Variants in NR3C2 observed in about 807,000 individuals in gnomAD.
NR3C2 encodes the protein nuclear receptor subfamily 3 group C member 2, also known as mineralocorticoid receptor.
A neutral mutation model predicts 86.4 loss-of-function variants in NR3C2; 15 were observed. That is an observed-to-expected ratio of 0.17 (90% CI 0.12 to 0.27). The LOEUF is 0.27. Ranked by LOEUF, NR3C2 falls within the 10% of genes least tolerant of loss-of-function variation. The pLI, the probability that NR3C2 is intolerant of heterozygous loss-of-function variation, is 1.00. For missense variants in NR3C2, 960 were observed against 1,195.6 expected (o/e 0.80, Z 2.91); for synonymous variants, 458 against 450.5 (o/e 1.02, Z -0.21).
intron 2 of NR3C2, among the ~76,000 whole-genome samples, chr4:148,378,154 G>A (rs1746772658): frequency 6.6e-6 from 1 of 152,170 alleles, no homozygotes; most frequent in Non-Finnish European, 1.5e-5. Context: ...CTACAATCTG[G>A]TTGCTGGGGG....
intron 2 of NR3C2, among the ~76,000 whole-genome samples, chr4:148,418,142 T>C (rs1383430924): frequency 6.6e-6 from 1 of 152,206 alleles, no homozygotes; most frequent in Non-Finnish European, 1.5e-5. Context: ...ATTCTGATGG[T>C]GTTCACAAGT....
intron 2 of NR3C2, among the ~76,000 whole-genome samples, chr4:148,365,055 T>C (rs1319064708): frequency 6.6e-6 from 1 of 152,212 alleles, no homozygotes; most frequent in Non-Finnish European, 1.5e-5. Flanking sequence ...CTGTGGTTGT[T>C]TGAAATCACC....
intron 2 of NR3C2, among the ~76,000 whole-genome samples, chr4:148,337,652 A>AT (rs1490673383): frequency 6.6e-6 from 1 of 152,228 alleles, no homozygotes; most frequent in Non-Finnish European, 1.5e-5. Context: ...GATGGGGTAA[A>AT]TATGCAGGTT....
intron 3 of NR3C2, among the ~76,000 whole-genome samples, chr4:148,224,399 G>C (rs1049272222): frequency 1.3e-5 from 2 of 152,144 alleles, no homozygotes; most frequent in African/African-American, 4.8e-5. Context: ...TTTCCTCAGC[G>C]CTACACACAG....
At chr4:148,221,201 T>C (rs1159911929) in intron 3 of NR3C2, among the ~76,000 whole-genome samples, 1 of 152,240 alleles carries the variant, frequency 6.6e-6, no homozygotes, top group Non-Finnish European at 1.5e-5. Flanking sequence ...ATACAGTGGC[T>C]GAAGCGTTTA....
At chr4:148,134,615 C>T (rs1000440678) in intron 6 of NR3C2, among the ~76,000 whole-genome samples, 1 of 140,488 alleles carries the variant, frequency 7.1e-6, no homozygotes, top group African/African-American at 2.6e-5. Context: ...AAAGTGTTAG[C>T]TCCCTGTGAT....
At chr4:148,324,305 CTTTTTTA>C (rs1743827351) in intron 2 of NR3C2, among the ~76,000 whole-genome samples, 1 of 149,958 alleles carries the variant, frequency 6.7e-6, no homozygotes, top group Non-Finnish European at 1.5e-5. Flanking sequence ...GGACTTTTTT[CTTTTTTA>C]AGACTGAATA....
At chr4:148,303,884 C>T (rs1374589938) in intron 2 of NR3C2, among the ~76,000 whole-genome samples, 1 of 152,168 alleles carries the variant, frequency 6.6e-6, no homozygotes, top group Non-Finnish European at 1.5e-5. Context: ...CGGATATTTC[C>T]ACTCCCTAGA....
intron 4 of NR3C2, among the ~76,000 whole-genome samples, chr4:148,185,265 C>T (rs1400606225): frequency 2.0e-5 from 3 of 152,216 alleles, no homozygotes; most frequent in African/African-American, 7.2e-5. Flanking sequence ...GCAATGGCTC[C>T]CACCCACACA....
At chr4:148,267,693 T>C (rs1273793914) in intron 2 of NR3C2, among the ~76,000 whole-genome samples, 3 of 152,150 alleles carry the variant, frequency 2.0e-5, no homozygotes, top group Non-Finnish European at 2.9e-5. Flanking sequence ...ACAGCCACAT[T>C]ATATCATTAA....
At chr4:148,443,222 CAAAAAAAAAAAAAAAA>C (rs59506438), upstream of NR3C2, among the ~76,000 whole-genome samples, 11,164 of 42,888 alleles carry the variant, frequency 0.26, 896 homozygotes, top group Middle Eastern at 0.37. Flanking sequence ...CCCCTAACAC[CAAAAAAAAAAAAAAAA>C]AAAAAAAAAA....
rs141462272 is a variant in NR3C2, at chr4:148,436,481, C to T, written c.380G>A (p.Ser127Asn). 1.2e-6 allele frequency: 2 copies of T among 1,614,048 alleles called. No homozygotes were observed. The highest frequency in any genetic ancestry group is 2.7e-5 in the African/African-American group (2 of 74,904). The change falls in exon 2 of 9, where the codon AGC (serine) becomes AAC (asparagine). Residue 127 changes from serine (S) to asparagine (N), a missense_variant. Ser to Asn is a conservative substitution (Grantham distance 46). Transcript: ENST00000358102. ...YSYEQQNQQGSMSPAKIYQNV... is the reference protein window; with the variant it reads ...YSYEQQNQQGNMSPAKIYQNV... Reference sequence around the variant, plus strand: ...CTGATAAATCTTAGCTGGACTCATGCTTCCTTGTTGGTTCTGCTGCTCATA... The same window carrying T: ...CTGATAAATCTTAGCTGGACTCATGTTTCCTTGTTGGTTCTGCTGCTCATA...
intron 6 of NR3C2, 84 bp from the exon 7 acceptor site, chr4:148,120,372 G>T: frequency 6.5e-7 from 1 of 1,537,640 alleles, no homozygotes; most frequent in Non-Finnish European, 9.0e-7. Flanking sequence ...CTTAATAAGA[G>T]ATCTGAGTCA....
rs566097051 is a variant in NR3C2 at position 148,317,866 on chromosome 4, T to C, written c.1758-57749A>G. 1.3e-3 allele frequency among the ~76,000 whole-genome samples: 185 copies of C among 146,296 alleles called. 1 individual carries two copies. Among genetic ancestry groups the C allele is most frequent in the Middle Eastern group, 3.4e-3 (1 of 292 alleles). ...TTTTGAATATGTGTTCTAGTTAAGC[T>C]GTTTTCTTTTTCTTTTTTTTTATTA... On this transcript the variant is annotated intron_variant, in intron 2 of 8. Transcript: ENST00000358102.
rs72645627 is a variant in NR3C2, at chr4:148,435,493, C to A, written c.1368G>T (p.Ser456=). 14 of 1,613,984 alleles carry A rather than the reference C, an allele frequency of 8.7e-6. No homozygotes were observed. The East Asian group carries it at 2.0e-4, about 23-fold the overall frequency. The change falls in exon 2 of 9, where the codon TCG becomes TCT. Residue 456 remains serine, a synonymous_variant. Transcript: ENST00000358102. The part of the protein sequence containing the change: ...TVNPFPFMDG[S]YFSFMDDKDY... ...CTTTATCATCCATAAAGGAAAAATA[C>A]GAGCCATCCATAAATGGAAACGGGT...
intron 4 of NR3C2, among the ~76,000 whole-genome samples, chr4:148,187,826 TA>T (rs1736003008): frequency 6.6e-6 from 1 of 152,256 alleles, no homozygotes; most frequent in Non-Finnish European, 1.5e-5. Context: ...TTTCCAATGT[TA>T]TCCTCTAGAA....
At chr4:148,418,412 AAAGAGT>A (rs1469866697) in intron 2 of NR3C2, among the ~76,000 whole-genome samples, 1 of 152,220 alleles carries the variant, frequency 6.6e-6, no homozygotes, top group Non-Finnish European at 1.5e-5. Context: ...TGCTCTAAAA[AAAGAGT>A]TTAAAAATCA....
At chr4:148,417,899 G>A (rs772184625) in intron 2 of NR3C2, among the ~76,000 whole-genome samples, 21 of 152,148 alleles carry the variant, frequency 1.4e-4, no homozygotes, top group Non-Finnish European at 2.8e-4. Context: ...ATTTAGTGAC[G>A]TTTAATGTGT....
intron 7 of NR3C2, among the ~76,000 whole-genome samples, chr4:148,117,769 A>G (rs1029577184): frequency 1.3e-5 from 2 of 152,028 alleles, no homozygotes; most frequent in Non-Finnish European, 2.9e-5. Flanking sequence ...AGCTCTTCAT[A>G]CGCATTCGGA....
Sources: gnomAD v4.1 joint callset for allele counts (sites outside exome capture counted in the v4.1 genomes callset) on GRCh38, gnomAD v4.1.1 for gene constraint, MANE v1.5 for transcripts, NCBI Gene and HGNC (gene_info 2026-07-23, HGNC 2026-07-21) for gene names.